The following HSF4 variants were observed in gnomAD, a reference collection of about 807,000 sequenced individuals.
HSF4 encodes heat shock transcription factor 4, also known as heat shock factor protein 4.
Under a neutral mutation model 52.0 loss-of-function variants are expected in HSF4, and 41 were observed. The observed-to-expected ratio is 0.79, with a 90% CI of 0.61 to 1.02. The LOEUF is 1.02. Among genes scored for constraint, HSF4 ranks in the 50% least tolerant of loss-of-function variants. The pLI is 0.00. For missense variants in HSF4, 610 were observed against 651.1 expected, an observed-to-expected ratio of 0.94 and a Z score of 0.69; for synonymous variants, 285 against 273.0, an observed-to-expected ratio of 1.04 and a Z score of -0.43.
In HSF4 at chr16:67,169,887, A is replaced by C. The variant is rs1318280380; in HGVS notation, c.*102A>C. The C allele has an allele frequency of 4.8e-6, 6 of 1,240,886 alleles. No individual in the cohort carries two copies. In the East Asian group the frequency reaches 7.0e-5, roughly 14 times the overall value. The allele number at this position is 1,240,886 out of a possible 1,614,324, so 76.9% of individuals were successfully genotyped here. On this transcript the variant is annotated 3_prime_UTR_variant, in exon 13 of 13. Coordinates refer to ENST00000521374, the MANE Select transcript of HSF4 (RefSeq NM_001374675.1). This position sits in a 1 kb window ranked among gnomAD's most constrained non-coding sequence, Gnocchi z 4.3. The stretch of plus-strand genomic sequence containing the variant: ...GGGGTGAGCGAAGCCCCCACTACTA[A>C]ATGGCCTCTCTCCACTACCCCGACT...
Position 67,167,135 on chromosome 16 carries a change from T to A in HSF4, c.642T>A (p.Asp214Glu). The A allele has an allele frequency of 1.2e-6, 2 of 1,614,152 alleles. No individual in the cohort carries two copies. Among genetic ancestry groups the A allele is most frequent in the Non-Finnish European group, 1.7e-6 (2 of 1,179,994 alleles). Reference protein sequence around the residue: ...GGKRKLSLMLDEGSSCPTPAK... With the variant: ...GGKRKLSLMLEEGSSCPTPAK... Reference sequence around the variant, plus strand: ...GACCACACAGGTCCCTGATGCTGGATGAGGGGAGCTCATGCCCAACACCTG... The same window carrying A: ...GACCACACAGGTCCCTGATGCTGGAAGAGGGGAGCTCATGCCCAACACCTG... The change falls in exon 7 of 13, where the codon GAT becomes GAA. Residue 214 changes from aspartate to glutamate, a missense_variant. By Grantham distance (45) the Asp-to-Glu change is conservative. Coordinates refer to ENST00000521374, the MANE Select transcript of HSF4 (RefSeq NM_001374675.1).
chr16:67,164,783 C>A lies in HSF4; in HGVS notation c.-29C>A. The A allele has an allele frequency of 1.9e-6, 3 of 1,576,774 alleles. No homozygotes were observed. Among genetic ancestry groups the A allele is most frequent in the East Asian group, 2.3e-5 (1 of 42,848 alleles). ...TTGACGAGCCCGCAGCGGCCGGGCC[C>A]GAGCGCAGAGCCGGGCCGAGACTGC... On this transcript the variant is annotated 5_prime_UTR_variant, in exon 1 of 13. Transcript: ENST00000521374.
chr16:67,166,473 T>G (rs2031306058), intron 5 of HSF4, 78 bp downstream of exon 5: 1 of 1,596,720 alleles, frequency 6.3e-7, no homozygotes, highest in Non-Finnish European at 8.6e-7. Flanking sequence ...CCGGCGCCCC[T>G]GTTAAGCCTT....
Position 67,164,893 on chromosome 16 carries a change from G to T in HSF4, c.82G>T (p.Val28Leu). The change falls in exon 1 of 13, where the codon GTG becomes TTG. Residue 28 changes from valine (V) to leucine (L), a missense_variant. Transcript: ENST00000521374. ...PAFLGKLWAL[V>L]GDPGTDHLIR... is the part of the protein sequence containing the mutation. ...CTTCCTCGGCAAGCTATGGGCGCTGGTGGGGGACCCAGGCACAGACCACCT... is the reference window on the plus strand; with the variant it reads ...CTTCCTCGGCAAGCTATGGGCGCTGTTGGGGGACCCAGGCACAGACCACCT... The T allele has an allele frequency of 6.2e-7, 1 of 1,608,172 alleles. No homozygotes were observed. The highest frequency in any genetic ancestry group is 8.5e-7 in the Non-Finnish European group (1 of 1,179,146).
chr16:67,167,264 C>T lies in HSF4; in HGVS notation c.729+42C>T. On this transcript the variant is annotated intron_variant, in intron 7 of 12. Transcript: ENST00000521374. ...CCCCCTTCCCAAGGGCATGGCTGGG[C>T]TTATGGAGAGCCTGTTCCTTCTCCC... The T allele has an allele frequency of 3.7e-6, 6 of 1,613,460 alleles. No individual in the cohort carries two copies. The Admixed American group carries it at 1.0e-4, about 27-fold the overall frequency.
rs993643512 is a variant in HSF4 at position 67,165,389 on chromosome 16, C to T, written c.124-133C>T. On this transcript the variant is annotated intron_variant, in intron 1 of 12. Transcript: ENST00000521374. The surrounding 1 kb of genome is among the most constrained non-coding windows in gnomAD (Gnocchi z 6.9). ...CTGGCCTGGCCTCGACCCATATCCC[C>T]GTAAGCGGCAGGCCTGGACCCAAGA... The T allele has an allele frequency of 3.2e-5, 27 of 841,986 alleles. No homozygotes were observed. The highest frequency in any genetic ancestry group is 4.9e-5 in the Non-Finnish European group (25 of 509,812). 52.2% of individuals were successfully genotyped at this position (841,986 alleles called of 1,614,324 possible).
Position 67,165,192 on chromosome 16 carries a change from C to G in HSF4, c.123+258C>G, listed in dbSNP as rs975562564. ...TTAGTTCCCACCCTACCCCATCCGA[C>G]AGATGGGAAAACAGAGGCCGGGAGA... On this transcript the variant is annotated intron_variant, in intron 1 of 12. Coordinates refer to ENST00000521374, the MANE Select transcript of HSF4 (RefSeq NM_001374675.1). This position sits in a 1 kb window ranked among gnomAD's most constrained non-coding sequence, Gnocchi z 6.9. 1.7e-5 allele frequency: 10 copies of G among 594,154 alleles called. No individual in the cohort carries two copies. The highest frequency in any genetic ancestry group is 1.2e-4 in the Admixed American group (4 of 33,596). 36.8% of individuals were successfully genotyped at this position (594,154 alleles called of 1,614,324 possible). A position where few individuals can be genotyped will look rare whatever the true frequency, so the allele number is the denominator to read the frequency against.
At chr16:67,164,532 C>T (rs1330648671), upstream of HSF4, 1 of 646,932 alleles carries the variant, frequency 1.5e-6, no homozygotes, top group Admixed American at 2.1e-5. Flanking sequence ...GGGACTCGAA[C>T]CCAAGTCTCC....
In HSF4 at chr16:67,167,963, G is replaced by C. The variant is rs2031429930; in HGVS notation, c.1082+16G>C. On this transcript the variant is annotated intron_variant, in intron 9 of 12. Transcript: ENST00000521374. ...TACCTGACAGGTGAGCAGAGCCCCA[G>C]CTGGCCCATGAGCCCTGTGATAGAA... 12 of 1,560,998 alleles carry C rather than the reference G, an allele frequency of 7.7e-6. No individual in the cohort carries two copies.
At chr16:67,164,189 T>G, upstream of HSF4, 1 of 508,242 alleles carries the variant, frequency 2.0e-6, no homozygotes. Flanking sequence ...TGCGTCCTAT[T>G]AAAGGCGGGG....
chr16:67,168,825 G>T lies in HSF4; in HGVS notation c.1083-6G>T. On this transcript the variant is annotated splice_region_variant and splice_polypyrimidine_tract_variant and intron_variant, in intron 9 of 12. Coordinates refer to ENST00000521374, the MANE Select transcript of HSF4 (RefSeq NM_001374675.1). ...CTGCAGGCCAAAAGCAGTTCTGTCTGCACAGGGGGCCTCTGGGCCTGGAAA... is the reference window on the plus strand; with the variant it reads ...CTGCAGGCCAAAAGCAGTTCTGTCTTCACAGGGGGCCTCTGGGCCTGGAAA... 3 of 1,612,354 alleles carry T rather than the reference G, an allele frequency of 1.9e-6. No homozygotes were observed. Among genetic ancestry groups the T allele is most frequent in the Non-Finnish European group, 2.5e-6 (3 of 1,178,938 alleles).
chr16:67,164,409 G>A, upstream of HSF4: 1 of 454,326 alleles, frequency 2.2e-6, no homozygotes, highest in Non-Finnish European at 4.4e-6. Context: ...CCTGCCTGGG[G>A]CTTCACTGTG....
chr16:67,167,651 C>T, intron 8 of HSF4, 52 bp downstream of exon 8: 1 of 1,612,074 alleles, frequency 6.2e-7, no homozygotes, highest in Non-Finnish European at 8.5e-7. Context: ...GGCCTGGCAG[C>T]CCAGATGGCT....
At chr16:67,167,349 T>C in intron 7 of HSF4, 126 bp from the exon 8 acceptor site, 1 of 1,610,012 alleles carries the variant, frequency 6.2e-7, no homozygotes, top group Middle Eastern at 1.7e-4. Context: ...ACCCAGGCCC[T>C]CCAGCATGGA....
At chr16:67,164,011 C>G (rs573984716), upstream of HSF4, 89 of 802,896 alleles carry the variant, frequency 1.1e-4, no homozygotes, top group East Asian at 2.0e-3. Flanking sequence ...TGCTCTCACC[C>G]TCTGCAGACG....
rs2031626225 is a variant in HSF4 at position 67,169,837 on chromosome 16, C to A, written c.*52C>A. The stretch of plus-strand genomic sequence containing the variant: ...AACCAGTCCGCCGCTGCACATCCTT[C>A]TTGGCTTCCTGGCGCCCCCTATCGG... On this transcript the variant is annotated 3_prime_UTR_variant, in exon 13 of 13. Transcript: ENST00000521374. This position sits in a 1 kb window ranked among gnomAD's most constrained non-coding sequence, Gnocchi z 4.3. The A allele has an allele frequency of 1.2e-6, 2 of 1,609,128 alleles. No homozygotes were observed. Among genetic ancestry groups the A allele is most frequent in the Non-Finnish European group, 1.7e-6 (2 of 1,176,968 alleles).
chr16:67,164,685 GGCCCCC>G, upstream of HSF4: 1 of 1,182,174 alleles, frequency 8.5e-7, no homozygotes, highest in South Asian at 1.6e-5. Flanking sequence ...GCTTGCACGT[GGCCCCC>G]GCCTGACCCG....
In HSF4 at chr16:67,167,824, C is replaced by G. The variant is rs773707270; in HGVS notation, c.959C>G (p.Ala320Gly). The change falls in exon 9 of 13, where the codon GCC becomes GGC. Residue 320 changes from alanine to glycine, a missense_variant. Physicochemically the swap from Ala to Gly is moderately conservative, Grantham distance 60 (BLOSUM62 0). Transcript: ENST00000521374. The stretch of plus-strand genomic sequence containing the variant: ...AACGAGTGTGACTTCTGCGTGACAG[C>G]CCCCCCGCCACTGCCTGTGGCTGTG... The part of the protein sequence containing the change: ...APNECDFCVT[A>G]PPPLPVAVVQ... 3.3e-5 allele frequency: 52 copies of G among 1,593,504 alleles called. No homozygotes were observed. The Middle Eastern group carries it at 6.6e-4, about 20-fold the overall frequency.
chr16:67,166,147 C>T (rs1168276967), intron 4 of HSF4, 77 bp downstream of exon 4: 30 of 1,456,790 alleles, frequency 2.1e-5, no homozygotes, highest in Non-Finnish European at 5.6e-6. Context: ...GCCAGCAGTT[C>T]TGGGCAGCCC....
Sources: allele counts gnomAD v4.1 joint callset, GRCh38; gene constraint gnomAD v4.1.1; non-coding constraint Gnocchi (gnomAD v3.1); transcripts MANE v1.5; gene names NCBI Gene and HGNC (gene_info 2026-07-23, HGNC 2026-07-21).